NCR3LG1: variants seen among roughly 807,000 people sequenced by gnomAD.
NCR3LG1 encodes the protein natural killer cell cytotoxicity receptor 3 ligand 1.
NCR3LG1 carries 35 observed loss-of-function variants against 34.8 expected under a neutral mutation model. That is an observed-to-expected ratio of 1.01 (90% confidence interval 0.77 to 1.33). NCR3LG1 has a LOEUF of 1.33. NCR3LG1 is among the 40% of genes most tolerant of loss of function. NCR3LG1 has a pLI of 0.00. For synonymous variants in NCR3LG1, 173 were observed against 163.6 expected, an observed-to-expected ratio of 1.06 and a Z score of -0.44; for missense variants, 452 against 423.3, an observed-to-expected ratio of 1.07 and a Z score of -0.60.
At chr11:17,368,018 A>T (rs530748718) in intron 3 of NCR3LG1, among the ~76,000 whole-genome samples, 4 of 151,802 alleles carry the variant, frequency 2.6e-5, no homozygotes, top group Non-Finnish European at 4.4e-5. Context: ...GGGTTTCTCT[A>T]TGTTGGTCAG....
At chr11:17,380,904 G>C (rs1347298481), downstream of NCR3LG1, 3 of 152,200 alleles carry the variant, frequency 2.0e-5, no homozygotes, top group Non-Finnish European at 4.4e-5. Context: ...TGTGTTTTAT[G>C]ACCAGAAATA....
rs149156188 is a variant in NCR3LG1 at position 17,372,128 on chromosome 11, G to A, written c.981G>A (p.Pro327=). ...TATTCTTTTGCACTCGGGCATGGCC[G>A]TCTTACCAGCTGCAGGATGGGGAGG... is the stretch of plus-strand genomic sequence containing the variant. ...HLIFFCTRAW[P]SYQLQDGEAW... Residue 327 remains proline, a synonymous_variant, in exon 5 of 5, where the codon CCG becomes CCA. Coordinates refer to ENST00000338965, the MANE Select transcript of NCR3LG1 (RefSeq NM_001202439.3). 3.8e-5 allele frequency: 27 copies of A among 703,018 alleles called. No individual in the cohort carries two copies. The highest frequency in any genetic ancestry group is 1.9e-4 in the African/African-American group (11 of 57,374). The allele number at this position is 703,018 out of a possible 1,614,324, so 43.5% of individuals were successfully genotyped here. A position where few individuals can be genotyped will look rare whatever the true frequency, so the allele number is the denominator to read the frequency against.
chr11:17,368,481 G>A (rs1456157734), intron 3 of NCR3LG1, among the ~76,000 whole-genome samples: 2 of 152,068 alleles, frequency 1.3e-5, no homozygotes, highest in African/African-American at 4.8e-5. Context: ...GGTGGCATGT[G>A]CAGGGATGCA....
chr11:17,358,275 T>C (rs573906652), intron 2 of NCR3LG1, among the ~76,000 whole-genome samples: 16 of 152,342 alleles, frequency 1.1e-4, no homozygotes, highest in South Asian at 4.1e-4. Flanking sequence ...GAATACCACA[T>C]TGCATTTAAT....
Position 17,357,019 on chromosome 11 carries a change from G to T in NCR3LG1, c.421+18G>T, listed in dbSNP as rs1953218340. ...AGTTGTGGGTGAGTGTCTCGGGGCA[G>T]TGCCCTACAGTTCCCATGGTGTTGG... On this transcript the variant is annotated intron_variant, in intron 2 of 4. Coordinates refer to ENST00000338965, the MANE Select transcript of NCR3LG1 (RefSeq NM_001202439.3). 6.9e-7 allele frequency: 1 copy of T among 1,457,062 alleles called. No homozygotes were observed. The highest frequency in any genetic ancestry group is 9.1e-7 in the Non-Finnish European group (1 of 1,097,504). 90.3% of individuals were successfully genotyped at this position (1,457,062 alleles called of 1,614,324 possible).
chr11:17,365,400 TGGA>T (rs1311414507), intron 2 of NCR3LG1, among the ~76,000 whole-genome samples: 2 of 152,214 alleles, frequency 1.3e-5, no homozygotes. Context: ...AGTAAAGTGT[TGGA>T]GGAGAATCTG....
At chr11:17,380,957 A>G (rs1418366217), downstream of NCR3LG1, 1 of 152,166 alleles carries the variant, frequency 6.6e-6, no homozygotes, top group Admixed American at 6.5e-5. Context: ...AGCCTATGGG[A>G]AAATTGGTTT....
At chr11:17,363,625 C>G (rs1735643170) in intron 2 of NCR3LG1, among the ~76,000 whole-genome samples, 1 of 150,674 alleles carries the variant, frequency 6.6e-6, no homozygotes. Context: ...GGGTCCCACT[C>G]TGTTTCCCAG....
At chr11:17,365,221 A>G (rs2133355749) in intron 2 of NCR3LG1, among the ~76,000 whole-genome samples, 1 of 152,282 alleles carries the variant, frequency 6.6e-6, no homozygotes, top group Admixed American at 6.5e-5. Context: ...GGTTGTGTTT[A>G]ATGCTTATTG....
intron 3 of NCR3LG1, among the ~76,000 whole-genome samples, 194 bp downstream of exon 3, chr11:17,367,541 G>A (rs1953359696): frequency 6.6e-6 from 1 of 152,160 alleles, no homozygotes; most frequent in African/African-American, 2.4e-5. Context: ...CTACACCTGG[G>A]CAGATGATGG....
intron 4 of NCR3LG1, among the ~76,000 whole-genome samples, chr11:17,370,481 T>A (rs1163393473): frequency 1.3e-5 from 2 of 152,218 alleles, no homozygotes; most frequent in Non-Finnish European, 2.9e-5. Flanking sequence ...TCCTGAAGAC[T>A]GAACAAAACA....
chr11:17,370,936 A>G (rs1953399235), intron 4 of NCR3LG1, among the ~76,000 whole-genome samples: 1 of 152,082 alleles, frequency 6.6e-6, no homozygotes, highest in Admixed American at 6.5e-5. Context: ...TAACTCAAAT[A>G]ATTGTTGTTT....
intron 2 of NCR3LG1, among the ~76,000 whole-genome samples, chr11:17,360,004 G>C (rs1289931639): frequency 6.6e-6 from 1 of 151,778 alleles, no homozygotes; most frequent in Non-Finnish European, 1.5e-5. Flanking sequence ...CCCAGGCTCA[G>C]GTGATTCTCC....
At chr11:17,355,982 G>T (rs1258622836) in intron 1 of NCR3LG1, among the ~76,000 whole-genome samples, 2 of 151,792 alleles carry the variant, frequency 1.3e-5, no homozygotes, top group African/African-American at 2.4e-5. Context: ...TTATTTTTTT[G>T]TAGAGACAAG....
rs551663771 is a variant in NCR3LG1, at chr11:17,357,272, C to T, written c.421+271C>T. ...CAGCAGGATTGGTTTCTTCTGAGGC[C>T]TCTCTTCTCTGGCCATCTTCTCCCT... is the stretch of plus-strand genomic sequence containing the variant. On this transcript the variant is annotated intron_variant, in intron 2 of 4. Coordinates refer to ENST00000338965, the MANE Select transcript of NCR3LG1 (RefSeq NM_001202439.3). Among the ~76,000 whole-genome samples, 40 of 152,198 alleles carry T rather than the reference C, an allele frequency of 2.6e-4. 1 individual carries two copies. In the South Asian group the frequency reaches 3.3e-3, roughly 13 times the overall value.
Position 17,356,658 on chromosome 11 carries a change from GAA to G in NCR3LG1, c.80_81del (p.Lys27SerfsTer15). 2 of 1,531,136 alleles carry G rather than the reference GAA, an allele frequency of 1.3e-6. No homozygotes were observed. The highest frequency in any genetic ancestry group is 8.7e-7 in the Non-Finnish European group (1 of 1,143,864). 94.8% of individuals were successfully genotyped at this position (1,531,136 alleles called of 1,614,324 possible). On this transcript the variant is annotated frameshift_variant, in exon 2 of 5. Coordinates refer to ENST00000338965, the MANE Select transcript of NCR3LG1 (RefSeq NM_001202439.3). LOFTEE classifies it high-confidence loss of function. ...LWALTTEGDL[K>X]VEMMAGGTQI... ...GTCCTCTTATTGCCACAGGTGATCT[GAA>G]AGTAGAGATGATGGCAGGGGGGACT...
chr11:17,372,327 T>C lies in NCR3LG1; in HGVS notation c.1180T>C (p.Ser394Pro). 1 of 703,094 alleles carries C rather than the reference T, an allele frequency of 1.4e-6. No homozygotes were observed. Among genetic ancestry groups the C allele is most frequent in the Non-Finnish European group, 2.6e-6 (1 of 385,034 alleles). 43.6% of individuals were successfully genotyped at this position (703,094 alleles called of 1,614,324 possible). The change falls in exon 5 of 5, where the codon TCA becomes CCA. Residue 394 changes from serine to proline, a missense_variant. By Grantham distance (74) the Ser-to-Pro change is moderately conservative (BLOSUM62 -1). Transcript: ENST00000338965. ...RIDPALLTVT[S>P]GKSIDDNSTK... is the part of the protein sequence containing the mutation. ...TGACCCTGCTCTCCTAACAGTTACA[T>C]CAGGCAAGTCCATAGATGATAATTC...
intron 2 of NCR3LG1, among the ~76,000 whole-genome samples, chr11:17,362,749 TTTCTTTCTTTCTTTCTTTCCTTCC>T (rs1953291712): frequency 9.2e-6 from 1 of 108,414 alleles, no homozygotes; most frequent in Non-Finnish European, 1.7e-5. Flanking sequence ...TCTTTCTTTC[TTTCTTTCTTTCTTTCTTTCCTTCC>T]TTCCTTCTTT....
chr11:17,368,885 A>G lies in NCR3LG1; in HGVS notation c.779A>G (p.Asn260Ser). Residue 260 changes from asparagine to serine, a missense_variant, in exon 4 of 5, where the codon AAT becomes AGT. Asn to Ser is a conservative substitution (Grantham distance 46, BLOSUM62 1). Coordinates refer to ENST00000338965, the MANE Select transcript of NCR3LG1 (RefSeq NM_001202439.3). Reference protein sequence around the residue: ...HSLSETEKTDNFSIHWWPISF... With the variant: ...HSLSETEKTDSFSIHWWPISF... Reference sequence around the variant, plus strand: ...TCTGCAGAAACTGAGAAGACAGATAATTTTTCCATTCATTGGTGGCCTATT... The same window carrying G: ...TCTGCAGAAACTGAGAAGACAGATAGTTTTTCCATTCATTGGTGGCCTATT... 6.5e-7 allele frequency: 1 copy of G among 1,533,334 alleles called. No homozygotes were observed. The highest frequency in any genetic ancestry group is 8.7e-7 in the Non-Finnish European group (1 of 1,144,540). 95.0% of individuals were successfully genotyped at this position (1,533,334 alleles called of 1,614,324 possible).
Sources: gnomAD v4.1 joint callset for allele counts (sites outside exome capture counted in the v4.1 genomes callset) on GRCh38, gnomAD v4.1.1 for gene constraint, MANE v1.5 for transcripts, NCBI Gene and HGNC (gene_info 2026-07-23, HGNC 2026-07-21) for gene names.